The following THRB variants were observed in gnomAD, a reference collection of about 807,000 sequenced individuals.
The protein encoded by THRB is nuclear receptor subfamily 1 group A member 2.
In THRB, 12 loss-of-function variants were observed where a neutral mutation model predicts 47.8. The observed-to-expected ratio is 0.25, with a 90% CI of 0.16 to 0.41. THRB has a LOEUF of 0.41. Ranked by LOEUF, THRB falls within the 10% of genes least tolerant of loss-of-function variation. The probability of loss-of-function intolerance (pLI) is 1.00; values close to 1 mark genes in which losing one functional copy is unlikely to be tolerated. For synonymous variants in THRB, 218 were observed against 212.2 expected (o/e 1.03, Z -0.24); for missense variants, 348 against 589.2 (o/e 0.59, Z 4.24).
At chr3:24,139,385 C>CT (rs35616801) in intron 8 of THRB, among the ~76,000 whole-genome samples, 31,830 of 142,506 alleles carry the variant, frequency 0.22, 3,856 homozygotes, top group East Asian at 0.55. Context: ...TTTTTCTTTT[C>CT]TTTCTTTTTT....
At chr3:24,432,817 C>A (rs1197523606) in intron 1 of THRB, among the ~76,000 whole-genome samples, 2 of 151,942 alleles carry the variant, frequency 1.3e-5, no homozygotes, top group Non-Finnish European at 2.9e-5. Context: ...TATCAGCTCA[C>A]AACAGCTAGT....
chr3:24,211,946 C>A (rs983659403), intron 4 of THRB, among the ~76,000 whole-genome samples: 1 of 150,976 alleles, frequency 6.6e-6, no homozygotes, highest in Non-Finnish European at 1.5e-5. Context: ...CTTATTACCA[C>A]ACCAGTTCAA....
intron 4 of THRB, among the ~76,000 whole-genome samples, chr3:24,211,352 A>G (rs2046007403): frequency 6.6e-6 from 1 of 152,218 alleles, no homozygotes; most frequent in African/African-American, 2.4e-5. Flanking sequence ...ATTGATCACA[A>G]TTGCTTTCCA....
rs973549647 is a variant in THRB at position 24,340,084 on chromosome 3, T to G, written c.-260-2713A>C. On this transcript the variant is annotated intron_variant, in intron 1 of 10. Transcript: ENST00000646209. ...ACTATTTCCCATGACTGCTCCCAAT[T>G]AATGCAAATTGAAGGTTAAAGGATA... 4.6e-5 allele frequency among the ~76,000 whole-genome samples: 7 copies of G among 152,332 alleles called. No homozygotes were observed. The South Asian group carries it at 1.2e-3, about 27-fold the overall frequency.
intron 1 of THRB, among the ~76,000 whole-genome samples, chr3:24,472,567 T>C (rs962779449): frequency 6.6e-6 from 1 of 152,214 alleles, no homozygotes; most frequent in African/African-American, 2.4e-5. Context: ...AAAAGTCAAG[T>C]CCTGGACTTG....
At chr3:24,164,638 G>A (rs1241692958) in intron 5 of THRB, among the ~76,000 whole-genome samples, 2 of 152,142 alleles carry the variant, frequency 1.3e-5, no homozygotes, top group Non-Finnish European at 2.9e-5. Flanking sequence ...CCAAGGAAAA[G>A]TCAAATGAGT....
intron 3 of THRB, among the ~76,000 whole-genome samples, chr3:24,230,828 A>T (rs1002224662): frequency 5.3e-5 from 8 of 152,188 alleles, no homozygotes; most frequent in African/African-American, 1.9e-4. Context: ...TTTCAGGGTG[A>T]AAGAAAGGGA....
intron 3 of THRB, among the ~76,000 whole-genome samples, chr3:24,233,574 A>G (rs1006190337): frequency 1.8e-5 from 1 of 56,806 alleles, no homozygotes; most frequent in Non-Finnish European, 3.7e-5. Flanking sequence ...AAAGAAAGAA[A>G]GAAAGAAAGA....
At chr3:24,208,067 G>A in intron 4 of THRB, among the ~76,000 whole-genome samples, 1 of 152,028 alleles carries the variant, frequency 6.6e-6, no homozygotes, top group East Asian at 1.9e-4. Flanking sequence ...CAAACAGAGA[G>A]CCAAATCATG....
At chr3:24,399,856 C>T (rs889055279) in intron 1 of THRB, among the ~76,000 whole-genome samples, 10 of 152,038 alleles carry the variant, frequency 6.6e-5, no homozygotes, top group Admixed American at 2.0e-4. Context: ...TTCTTGGTCT[C>T]CAGTTGAATG....
chr3:24,234,825 T>C (rs1051658768), intron 3 of THRB, among the ~76,000 whole-genome samples: 3 of 152,118 alleles, frequency 2.0e-5, no homozygotes, highest in Non-Finnish European at 4.4e-5. Context: ...GGCTTAGAAG[T>C]ACCAAAAAAG....
chr3:24,331,404 A>T (rs565754047), intron 2 of THRB, among the ~76,000 whole-genome samples: 33 of 152,306 alleles, frequency 2.2e-4, no homozygotes, highest in South Asian at 6.2e-4. Flanking sequence ...TTGGCTTCTT[A>T]TGATGACTTC....
intron 2 of THRB, among the ~76,000 whole-genome samples, chr3:24,308,772 C>T (rs968817956): frequency 1.3e-5 from 2 of 152,126 alleles, no homozygotes; most frequent in African/African-American, 2.4e-5. Context: ...AATATGTTTT[C>T]TTTCTATAAT....
At chr3:24,480,057 C>A (rs985469366) in intron 1 of THRB, among the ~76,000 whole-genome samples, 2 of 152,180 alleles carry the variant, frequency 1.3e-5, no homozygotes, top group Non-Finnish European at 2.9e-5. Flanking sequence ...CTCCAGGTGC[C>A]CACAATGCTT....
At chr3:24,182,556 A>G (rs1233269164) in intron 5 of THRB, among the ~76,000 whole-genome samples, 4 of 152,234 alleles carry the variant, frequency 2.6e-5, no homozygotes, top group African/African-American at 9.6e-5. Context: ...TGACGTGGGC[A>G]TTCTGCATTC....
chr3:24,360,595 C>G (rs1303187844), intron 1 of THRB, among the ~76,000 whole-genome samples: 1 of 152,110 alleles, frequency 6.6e-6, no homozygotes, highest in Non-Finnish European at 1.5e-5. Context: ...GCCTGAGCAC[C>G]TTTTCTTCCT....
At chr3:24,167,962 G>A (rs1199581201) in intron 5 of THRB, among the ~76,000 whole-genome samples, 3 of 152,004 alleles carry the variant, frequency 2.0e-5, no homozygotes, top group African/African-American at 7.2e-5. Context: ...TTTACTAAAC[G>A]TCAGAAAGGT....
At chr3:24,175,305 G>A (rs540333781) in intron 5 of THRB, among the ~76,000 whole-genome samples, 1 of 152,246 alleles carries the variant, frequency 6.6e-6, no homozygotes, top group Admixed American at 6.5e-5. Context: ...CCAGTGGATG[G>A]AACAGTGCTG....
intron 5 of THRB, among the ~76,000 whole-genome samples, chr3:24,174,509 C>G (rs182119472): frequency 1.3e-5 from 2 of 152,284 alleles, no homozygotes; most frequent in Admixed American, 1.3e-4. Context: ...AAAGGAGAAT[C>G]TAAAGCATGT....
Sources: gnomAD v4.1 joint callset for allele counts (sites outside exome capture counted in the v4.1 genomes callset) on GRCh38, gnomAD v4.1.1 for gene constraint, MANE v1.5 for transcripts, NCBI Gene and HGNC (gene_info 2026-07-23, HGNC 2026-07-21) for gene names.